Variants in GNB1 observed in about 807,000 individuals in gnomAD.
GNB1 encodes the protein G protein subunit beta 1.
Under a neutral mutation model 42.9 loss-of-function variants are expected in GNB1, and 2 were observed. The ratio of observed to expected loss-of-function variants is 0.05; its 90% CI spans 0.02 to 0.15. The LOEUF (loss-of-function observed/expected upper bound fraction) is 0.15. Ranked by LOEUF, GNB1 falls within the 10% of genes least tolerant of loss-of-function variation. The pLI is 1.00. For missense variants in GNB1, 193 were observed against 462.2 expected, an observed-to-expected ratio of 0.42 and a Z score of 5.34; for synonymous variants, 183 against 174.7, an observed-to-expected ratio of 1.05 and a Z score of -0.38.
chr1:1,820,584 G>A lies in GNB1; in HGVS notation c.58-2709C>T, dbSNP rs570958386. On this transcript the variant is annotated intron_variant, in intron 3 of 11. Coordinates refer to ENST00000378609, the MANE Select transcript of GNB1 (RefSeq NM_002074.5). Reference sequence around the variant, plus strand: ...GTCTTTTTGTCAATGAATTTTACTGGCAAGTACTGAGTTTAATATTTGTTT... The same window carrying A: ...GTCTTTTTGTCAATGAATTTTACTGACAAGTACTGAGTTTAATATTTGTTT... Among the ~76,000 whole-genome samples the A allele has an allele frequency of 2.6e-4, 39 of 152,160 alleles. 1 individual carries two copies. The highest frequency in any genetic ancestry group is 9.4e-4 in the African/African-American group (39 of 41,514).
chr1:1,887,672 G>A (rs1258170369), intron 1 of GNB1, among the ~76,000 whole-genome samples: 1 of 152,248 alleles, frequency 6.6e-6, no homozygotes, highest in African/African-American at 2.4e-5. Context: ...CTGTCGCCCA[G>A]TGGCACAATC....
intron 4 of GNB1, among the ~76,000 whole-genome samples, chr1:1,816,847 C>T (rs1176641710): frequency 6.6e-6 from 1 of 151,954 alleles, no homozygotes; most frequent in Non-Finnish European, 1.5e-5. Context: ...AGGGTTTCAC[C>T]ATGTTGGTTA....
chr1:1,819,907 A>C (rs896129040), intron 3 of GNB1, among the ~76,000 whole-genome samples: 9 of 152,176 alleles, frequency 5.9e-5, no homozygotes, highest in African/African-American at 1.9e-4. Context: ...TCAAAATGGC[A>C]AATGGCATGT....
At chr1:1,848,356 GC>G (rs760192174) in intron 1 of GNB1, among the ~76,000 whole-genome samples, 33,034 of 86,694 alleles carry the variant, frequency 0.38, 3,946 homozygotes, top group Non-Finnish European at 0.46. Flanking sequence ...TCCAGCCCAG[GC>G]AAAAAAAAAA....
At chr1:1,809,722 C>T (rs750814757) in intron 5 of GNB1, among the ~76,000 whole-genome samples, 1 of 152,096 alleles carries the variant, frequency 6.6e-6, no homozygotes, top group South Asian at 2.1e-4. Flanking sequence ...GTCCACTGAT[C>T]CTCCAGAAGG....
At chr1:1,815,891 A>ACAGATGTTGATTT in intron 4 of GNB1, 29 bp from the exon 5 acceptor site, 2 of 1,326,756 alleles carry the variant, frequency 1.5e-6, no homozygotes, top group Non-Finnish European at 2.2e-6. Context: ...TCTGTAAATC[A>ACAGATGTTGATTT]ACATCTGTGA....
At position 1,881,019 on chromosome 1, in the gene GNB1, G is replaced by C. The variant is rs552009461; in HGVS notation, c.-96+9801C>G. Among the ~76,000 whole-genome samples the C allele has an allele frequency of 3.3e-5, 5 of 152,178 alleles. No individual in the cohort carries two copies. In the East Asian group the frequency reaches 9.6e-4, roughly 29 times the overall value. On this transcript the variant is annotated intron_variant, in intron 1 of 11. Transcript: ENST00000378609. ...AAATGCCTGAACGGAGAGAGGGAGT[G>C]AACTGTGCAAACACACAGCCAGGAG...
rs188998402 is a variant in GNB1, at chr1:1,857,682, A to G, written c.-95-18444T>C. ...CATGTGCACTTATAGCAGTACCCCC[A>G]TATCTGAGAAGGACATGCTCCAAGA... On this transcript the variant is annotated intron_variant, in intron 1 of 11. Coordinates refer to ENST00000378609, the MANE Select transcript of GNB1 (RefSeq NM_002074.5). Among the ~76,000 whole-genome samples, 6 of 152,276 alleles carry G rather than the reference A, an allele frequency of 3.9e-5. 1 individual carries two copies. Among genetic ancestry groups the G allele is most frequent in the South Asian group, 2.1e-4 (1 of 4,828 alleles).
At chr1:1,809,524 T>A (rs898380243) in intron 5 of GNB1, among the ~76,000 whole-genome samples, 7 of 152,346 alleles carry the variant, frequency 4.6e-5, no homozygotes, top group African/African-American at 1.4e-4. Context: ...AAATTATTTC[T>A]ACGTAATGGT....
At position 1,814,972 on chromosome 1, in the gene GNB1, T is replaced by C. The variant is rs376545546; in HGVS notation, c.203+784A>G. Among the ~76,000 whole-genome samples, 1,269 of 151,378 alleles carry C rather than the reference T, an allele frequency of 8.4e-3. 22 individuals are homozygous for C. Among genetic ancestry groups the C allele is most frequent in the African/African-American group, 0.029 (1,216 of 41,318 alleles). On this transcript the variant is annotated intron_variant, in intron 5 of 11. Transcript: ENST00000378609. ...CTAAAAATACAAAAAAATTAGCCAG[T>C]GTGGTGGCAGGCGCCTGTAGTCCCA...
At chr1:1,877,471 A>G (rs977538589) in intron 1 of GNB1, among the ~76,000 whole-genome samples, 1 of 151,840 alleles carries the variant, frequency 6.6e-6, no homozygotes, top group African/African-American at 2.4e-5. Context: ...TTTTTGCTGT[A>G]TGTTCCTAAT....
intron 2 of GNB1, among the ~76,000 whole-genome samples, chr1:1,826,625 T>G (rs878876712): frequency 1.3e-5 from 2 of 152,048 alleles, no homozygotes; most frequent in East Asian, 3.9e-4. Flanking sequence ...CAGCAGTTTT[T>G]TGGCTCAGGG....
At chr1:1,837,309 C>T (rs372342225) in intron 2 of GNB1, among the ~76,000 whole-genome samples, 4 of 147,618 alleles carry the variant, frequency 2.7e-5, no homozygotes, top group South Asian at 4.3e-4. Flanking sequence ...GGCTGGAGTG[C>T]AGTAGCGTGA....
At chr1:1,834,086 G>A (rs1377161119) in intron 2 of GNB1, among the ~76,000 whole-genome samples, 1 of 152,098 alleles carries the variant, frequency 6.6e-6, no homozygotes, top group Non-Finnish European at 1.5e-5. Flanking sequence ...ACTAAGTGAA[G>A]AGACTCCCCA....
intron 2 of GNB1, among the ~76,000 whole-genome samples, chr1:1,827,646 T>G (rs1332698853): frequency 6.6e-6 from 1 of 152,186 alleles, no homozygotes; most frequent in African/African-American, 2.4e-5. Context: ...GAGCAGTGTC[T>G]CAGATGGAAG....
intron 1 of GNB1, among the ~76,000 whole-genome samples, chr1:1,861,715 C>T (rs1277884978): frequency 2.0e-5 from 3 of 152,038 alleles, no homozygotes; most frequent in Non-Finnish European, 4.4e-5. Context: ...AGAGCTGGTG[C>T]TGAGGCTCCA....
chr1:1,889,622 G>A (rs947957348), intron 1 of GNB1, among the ~76,000 whole-genome samples: 1 of 144,484 alleles, frequency 6.9e-6, no homozygotes, highest in African/African-American at 2.6e-5. Context: ...GACCAGCCTG[G>A]TTAACAGGAT....
chr1:1,873,193 C>T (rs1570746538), intron 1 of GNB1, among the ~76,000 whole-genome samples: 1 of 152,338 alleles, frequency 6.6e-6, no homozygotes, highest in Non-Finnish European at 1.5e-5. Flanking sequence ...AGGCAGCACT[C>T]CTGGCCTATG....
At chr1:1,812,601 C>G (rs1646797356) in intron 5 of GNB1, among the ~76,000 whole-genome samples, 1 of 152,156 alleles carries the variant, frequency 6.6e-6, no homozygotes, top group Non-Finnish European at 1.5e-5. Context: ...ATGCCATGCA[C>G]CTAGCACCCT....
Sources: gnomAD v4.1 joint callset for allele counts (sites outside exome capture counted in the v4.1 genomes callset) on GRCh38, gnomAD v4.1.1 for gene constraint, MANE v1.5 for transcripts, NCBI Gene and HGNC (gene_info 2026-07-23, HGNC 2026-07-21) for gene names.